The following PARP15 variants were observed in gnomAD, a reference collection of about 807,000 sequenced individuals.
PARP15 encodes the protein poly(ADP-ribose) polymerase family member 15.
In PARP15, 50 loss-of-function variants were observed where a neutral mutation model predicts 62.1. The ratio of observed to expected loss-of-function variants is 0.81; its 90% CI spans 0.64 to 1.02. The LOEUF is 1.02. Among genes scored for constraint, PARP15 ranks in the 50% least tolerant of loss-of-function variants. PARP15 has a pLI of 0.00. For synonymous variants in PARP15, 309 were observed against 293.1 expected (o/e 1.05, Z -0.55); for missense variants, 820 against 826.5 (o/e 0.99, Z 0.10).
chr3:122,590,857 C>T (rs977422894), intron 1 of PARP15, among the ~76,000 whole-genome samples: 3 of 152,294 alleles, frequency 2.0e-5, no homozygotes, highest in African/African-American at 7.2e-5. Flanking sequence ...GTCTTGGTTA[C>T]ATCTGCAGAC....
intron 4 of PARP15, among the ~76,000 whole-genome samples, chr3:122,614,887 G>A (rs1399006843): frequency 1.3e-5 from 2 of 151,824 alleles, no homozygotes; most frequent in Admixed American, 6.6e-5. Flanking sequence ...AAAATTAGCC[G>A]GGCGTGGTGG....
intron 9 of PARP15, among the ~76,000 whole-genome samples, chr3:122,628,623 A>G (rs1464968577): frequency 1.3e-5 from 2 of 152,248 alleles, no homozygotes; most frequent in Non-Finnish European, 2.9e-5. Context: ...TACAAATTTA[A>G]AAAACAAAAC....
At chr3:122,633,055 T>C (rs1215936921) in intron 10 of PARP15, among the ~76,000 whole-genome samples, 2 of 152,190 alleles carry the variant, frequency 1.3e-5, no homozygotes, top group Non-Finnish European at 2.9e-5. Context: ...AAAATCTTGT[T>C]ACCGCTTCCA....
In PARP15 at chr3:122,589,887, A is replaced by ATTTTTTTTTTTTTTTTTT. The variant is rs1559928879; in HGVS notation, c.186+12034_186+12035insTTTTTTTTTTTTTTTTTT. ...CAAAATGTATTATTTGTAAGGCATA[A>ATTTTTTTTTTTTTTTTTT]CTTTTTTTTTTTTTTTTTTTTTGAG... On this transcript the variant is annotated intron_variant, in intron 1 of 11. Transcript: ENST00000464300. Among the ~76,000 whole-genome samples the ATTTTTTTTTTTTTTTTTT allele has an allele frequency of 2.3e-5, 3 of 130,384 alleles. 1 individual carries two copies. Among genetic ancestry groups the ATTTTTTTTTTTTTTTTTT allele is most frequent in the Non-Finnish European group, 1.6e-5 (1 of 63,488 alleles). 85.5% of individuals were successfully genotyped at this position (130,384 alleles called of 152,430 possible).
intron 1 of PARP15, among the ~76,000 whole-genome samples, chr3:122,583,372 C>T (rs1933123082): frequency 6.6e-6 from 1 of 151,890 alleles, no homozygotes; most frequent in Admixed American, 6.6e-5. Context: ...GGTGATCCAC[C>T]CACTTCGGCC....
rs1040054525 is a variant in PARP15 at position 122,613,254 on chromosome 3, G to A, written c.757G>A (p.Asp253Asn). The A allele has an allele frequency of 1.0e-5, 16 of 1,546,114 alleles. No individual in the cohort carries two copies. The highest frequency in any genetic ancestry group is 1.4e-5 in the African/African-American group (1 of 72,990). ...CCACTTTCTGGTATATACAAATGAC[G>A]ATGAAGGCTGTCAGGTATGGTTACA... ...EVHFLVYTND[D>N]EGCQAFLDEF... The change falls in exon 4 of 12, where the codon GAT becomes AAT. Residue 253 changes from aspartate (D) to asparagine (N), a missense_variant. Asp to Asn is a conservative substitution (Grantham distance 23). This residue lies in a region of PARP15 where 731 missense variants were observed against 727.7 expected (regional missense o/e 1.00). Coordinates refer to ENST00000464300, the MANE Select transcript of PARP15 (RefSeq NM_001113523.3).
At chr3:122,620,411 C>A (rs556541310) in intron 7 of PARP15, among the ~76,000 whole-genome samples, 14 of 152,192 alleles carry the variant, frequency 9.2e-5, no homozygotes, top group African/African-American at 3.4e-4. Flanking sequence ...TCAAAATATC[C>A]CTTGCAGAGT....
At chr3:122,605,345 T>G (rs1326594637) in intron 1 of PARP15, among the ~76,000 whole-genome samples, 6 of 151,974 alleles carry the variant, frequency 3.9e-5, no homozygotes, top group African/African-American at 1.5e-4. Context: ...ATTTAAGTAG[T>G]AAGGGCTGGG....
At position 122,615,881 on chromosome 3, in the gene PARP15, G is replaced by A. The variant is rs770496786; in HGVS notation, c.850+24G>A. 18 of 1,593,140 alleles carry A rather than the reference G, an allele frequency of 1.1e-5. No homozygotes were observed. In the East Asian group the frequency reaches 3.8e-4, roughly 34 times the overall value. ...AGGTCTGGTAAAGTCGTTCTGCTAA[G>A]GAAATATTTCCTTTTGCTGAGCAAC... On this transcript the variant is annotated intron_variant, in intron 5 of 11. Coordinates refer to ENST00000464300, the MANE Select transcript of PARP15 (RefSeq NM_001113523.3).
intron 11 of PARP15, 107 bp from the exon 12 acceptor site, chr3:122,635,704 C>T: frequency 7.8e-7 from 1 of 1,289,550 alleles, no homozygotes; most frequent in Non-Finnish European, 1.1e-6. Context: ...TGAGCCAACA[C>T]ACCTGGCTAA....
At chr3:122,617,476 C>A (rs1266378306) in intron 6 of PARP15, among the ~76,000 whole-genome samples, 1 of 152,198 alleles carries the variant, frequency 6.6e-6, no homozygotes, top group Non-Finnish European at 1.5e-5. Flanking sequence ...CAGCTCTCAA[C>A]TGTTGAATTT....
intron 7 of PARP15, among the ~76,000 whole-genome samples, chr3:122,620,830 C>G (rs541588884): frequency 2.4e-4 from 37 of 152,006 alleles, no homozygotes; most frequent in African/African-American, 8.2e-4. Flanking sequence ...CTCTCCTCCT[C>G]CCTTTTGCTG....
chr3:122,596,542 C>A (rs1015518586), intron 1 of PARP15, among the ~76,000 whole-genome samples: 2 of 152,100 alleles, frequency 1.3e-5, no homozygotes, highest in African/African-American at 4.8e-5. Context: ...CTGTTTCTCT[C>A]ATATCCTCTA....
chr3:122,617,213 G>A, intron 6 of PARP15, 49 bp downstream of exon 6: 1 of 1,544,142 alleles, frequency 6.5e-7, no homozygotes, highest in Non-Finnish European at 8.9e-7. Context: ...ACTAATTTCT[G>A]GAAGGGAAAT....
intron 10 of PARP15, 139 bp from the exon 11 acceptor site, chr3:122,634,881 G>C: frequency 1.2e-6 from 1 of 824,878 alleles, no homozygotes; most frequent in Non-Finnish European, 1.9e-6. Context: ...CTGTCTATTT[G>C]TATTTTCTTC....
chr3:122,590,654 A>G (rs1469561125), intron 1 of PARP15, among the ~76,000 whole-genome samples: 1 of 111,168 alleles, frequency 9.0e-6, no homozygotes, highest in African/African-American at 3.6e-5. Flanking sequence ...ACTACTTCTA[A>G]GGAGAGTGAC....
chr3:122,600,899 CT>C (rs1934736173), intron 1 of PARP15, among the ~76,000 whole-genome samples: 1 of 151,682 alleles, frequency 6.6e-6, no homozygotes, highest in South Asian at 2.1e-4. Context: ...CTAGTTTCCC[CT>C]ATTATTAACA....
intron 1 of PARP15, among the ~76,000 whole-genome samples, chr3:122,601,248 G>A (rs973286199): frequency 3.3e-5 from 5 of 151,744 alleles, no homozygotes; most frequent in African/African-American, 7.3e-5. Context: ...GGTCTCAAAC[G>A]CCTGACCTCA....
chr3:122,612,995 G>C (rs76332361), intron 3 of PARP15, 46 bp from the exon 4 acceptor site: 1 of 1,477,410 alleles, frequency 6.8e-7, no homozygotes, highest in Non-Finnish European at 9.2e-7. Flanking sequence ...TCTGTTTTCC[G>C]CTAGCTTAAG....
Sources: allele counts gnomAD v4.1 joint callset (sites outside exome capture counted in the v4.1 genomes callset), GRCh38; gene constraint gnomAD v4.1.1; regional missense constraint gnomAD v4.1.1; transcripts MANE v1.5; gene names NCBI Gene and HGNC (gene_info 2026-07-23, HGNC 2026-07-21).